Variants in GRID2 observed in about 807,000 individuals in gnomAD.
GRID2 encodes glutamate ionotropic receptor delta type subunit 2, also known as glutamate receptor ionotropic, delta-2.
In GRID2, 33 loss-of-function variants were observed where a neutral mutation model predicts 114.8. The observed-to-expected ratio is 0.29, with a 90% CI of 0.22 to 0.38. GRID2 has a LOEUF of 0.38. GRID2 is among the 10% of genes least tolerant of loss of function. The pLI, the probability that GRID2 is intolerant of heterozygous loss-of-function variation, is 1.00. For missense variants in GRID2, 1,184 were observed against 1,257.7 expected (o/e 0.94, Z 0.89); for synonymous variants, 505 against 449.9 (o/e 1.12, Z -1.55).
intron 2 of GRID2, among the ~76,000 whole-genome samples, chr4:92,940,552 C>G (rs1426901151): frequency 6.6e-6 from 1 of 152,074 alleles, no homozygotes; most frequent in African/African-American, 2.4e-5. Flanking sequence ...AATTGAATGC[C>G]CTTTATTTCC....
At chr4:93,578,955 G>T (rs1736708141) in intron 13 of GRID2, among the ~76,000 whole-genome samples, 1 of 152,060 alleles carries the variant, frequency 6.6e-6, no homozygotes, top group Non-Finnish European at 1.5e-5. Flanking sequence ...TTTTATATCT[G>T]TATACTCATT....
intron 2 of GRID2, among the ~76,000 whole-genome samples, chr4:92,599,809 G>A (rs982040491): frequency 6.6e-6 from 1 of 151,694 alleles, no homozygotes; most frequent in Non-Finnish European, 1.5e-5. Context: ...GATGGATCAC[G>A]AGGTCAAGAT....
At chr4:92,785,923 G>T (rs755914222) in intron 2 of GRID2, among the ~76,000 whole-genome samples, 2 of 151,754 alleles carry the variant, frequency 1.3e-5, no homozygotes, top group Non-Finnish European at 2.9e-5. Context: ...AAAATGACAG[G>T]GTTGGAACAT....
intron 2 of GRID2, among the ~76,000 whole-genome samples, chr4:92,690,941 T>A (rs1490289752): frequency 6.6e-6 from 1 of 152,126 alleles, no homozygotes; most frequent in Non-Finnish European, 1.5e-5. Context: ...ACAAAAATAG[T>A]TGGAAGGAGA....
intron 4 of GRID2, among the ~76,000 whole-genome samples, chr4:93,154,514 G>A (rs961733547): frequency 6.6e-6 from 1 of 151,920 alleles, no homozygotes; most frequent in Non-Finnish European, 1.5e-5. Context: ...TGGCTAAACC[G>A]TTAAACAATA....
intron 1 of GRID2, among the ~76,000 whole-genome samples, chr4:92,365,084 C>T (rs1728788934): frequency 6.6e-6 from 1 of 151,894 alleles, no homozygotes; most frequent in Admixed American, 6.6e-5. Context: ...AATGGAGGTT[C>T]CTCAAAAAAC....
chr4:92,982,039 A>G (rs4547768), intron 2 of GRID2, among the ~76,000 whole-genome samples: 31 of 112,962 alleles, frequency 2.7e-4, no homozygotes, highest in Admixed American at 5.8e-4. Context: ...AAAAAAAAAA[A>G]AAAAAAGAAA....
chr4:93,615,704 A>G (rs1165284198), intron 13 of GRID2, among the ~76,000 whole-genome samples: 1 of 148,696 alleles, frequency 6.7e-6, no homozygotes, highest in South Asian at 2.1e-4. Context: ...GTGGTGACTT[A>G]CTGTTTTATT....
At chr4:93,117,498 T>A (rs1379480989) in intron 4 of GRID2, among the ~76,000 whole-genome samples, 1 of 152,184 alleles carries the variant, frequency 6.6e-6, no homozygotes, top group Non-Finnish European at 1.5e-5. Context: ...CCAAAATCAA[T>A]ACTCAGTGCA....
At chr4:93,780,363 C>T (rs1000136579) in intron 1 of GRID2, among the ~76,000 whole-genome samples, 1 of 152,064 alleles carries the variant, frequency 6.6e-6, no homozygotes, top group African/African-American at 2.4e-5. Context: ...TAAAGAATAG[C>T]GAGACGATCA....
At chr4:92,515,781 T>C (rs989864318) in intron 1 of GRID2, among the ~76,000 whole-genome samples, 2 of 151,986 alleles carry the variant, frequency 1.3e-5, no homozygotes, top group African/African-American at 4.8e-5. Context: ...ATTCTGTGAT[T>C]AACAGAGAAA....
chr4:93,659,806 G>C (rs536642585), intron 14 of GRID2, among the ~76,000 whole-genome samples: 28 of 151,434 alleles, frequency 1.8e-4, no homozygotes, highest in Admixed American at 1.8e-3. Context: ...CAGTACTGAA[G>C]ATGGGAGACC....
At chr4:93,603,393 A>T (rs1271023406) in intron 13 of GRID2, among the ~76,000 whole-genome samples, 1 of 152,206 alleles carries the variant, frequency 6.6e-6, no homozygotes, top group Non-Finnish European at 1.5e-5. Context: ...GAGAAACATG[A>T]GAAAGCTGCA....
chr4:93,533,642 G>A (rs1035917289), intron 13 of GRID2, among the ~76,000 whole-genome samples: 5 of 145,746 alleles, frequency 3.4e-5, no homozygotes, highest in African/African-American at 5.1e-5. Flanking sequence ...CACCCACCTC[G>A]GCCTCCCAAA....
chr4:92,982,953 G>T (rs574620641), intron 2 of GRID2, among the ~76,000 whole-genome samples: 63 of 152,114 alleles, frequency 4.1e-4, no homozygotes, highest in Non-Finnish European at 2.2e-4. Flanking sequence ...TAGAGAGGAA[G>T]CATGTATTAT....
intron 13 of GRID2, among the ~76,000 whole-genome samples, chr4:93,558,132 G>A (rs925952457): frequency 2.0e-5 from 3 of 152,138 alleles, no homozygotes; most frequent in Non-Finnish European, 2.9e-5. Flanking sequence ...ACAGGAGAAA[G>A]CAGCAAAGAT....
At chr4:93,369,655 A>G (rs995180184) in intron 8 of GRID2, among the ~76,000 whole-genome samples, 6 of 151,952 alleles carry the variant, frequency 3.9e-5, no homozygotes, top group Non-Finnish European at 5.9e-5. Flanking sequence ...CACACAGCTA[A>G]TATTTCATTT....
chr4:92,463,187 TCA>T (rs1198998293), intron 1 of GRID2, among the ~76,000 whole-genome samples: 1 of 151,914 alleles, frequency 6.6e-6, no homozygotes, highest in Non-Finnish European at 1.5e-5. Flanking sequence ...TGATGGAGAT[TCA>T]GTTTTTTAAT....
intron 8 of GRID2, among the ~76,000 whole-genome samples, chr4:93,394,816 T>C (rs17020556): frequency 0.15 from 23,358 of 151,964 alleles, 3,042 homozygotes; most frequent in African/African-American, 0.36. Flanking sequence ...AACAGTTATC[T>C]GCTAATTCAA....
Sources: gnomAD v4.1 joint callset for allele counts (sites outside exome capture counted in the v4.1 genomes callset) on GRCh38, gnomAD v4.1.1 for gene constraint, MANE v1.5 for transcripts, NCBI Gene and HGNC (gene_info 2026-07-23, HGNC 2026-07-21) for gene names.